DGKI: variants seen among roughly 807,000 people sequenced by gnomAD.
The protein encoded by DGKI is diacylglycerol kinase iota.
DGKI carries 55 observed loss-of-function variants against 147.5 expected under a neutral mutation model. That is an observed-to-expected ratio of 0.37 (90% CI 0.30 to 0.47). DGKI has a LOEUF of 0.47. DGKI is among the 20% of genes least tolerant of loss of function. DGKI has a pLI of 1.00. For synonymous variants in DGKI, 469 were observed against 477.1 expected, an observed-to-expected ratio of 0.98 and a Z score of 0.22; for missense variants, 1,007 against 1,323.8, an observed-to-expected ratio of 0.76 and a Z score of 3.71.
At position 137,702,186 on chromosome 7, in the gene DGKI, T is replaced by G. The variant is rs1824007210; in HGVS notation, c.402-12184A>C. Among the ~76,000 whole-genome samples the G allele has an allele frequency of 1.3e-5, 2 of 152,148 alleles. 1 individual carries two copies. Among genetic ancestry groups the G allele is most frequent in the South Asian group, 4.1e-4 (2 of 4,832 alleles). On this transcript the variant is annotated intron_variant, in intron 1 of 32. Transcript: ENST00000614521. ...GATAGAAACCTAAAAGTTAAAACTA[T>G]AAAGCTTCTAAAAGAAAGCATTTTA... is the stretch of plus-strand genomic sequence containing the variant.
At chr7:137,639,171 A>G (rs1056096467) in intron 6 of DGKI, among the ~76,000 whole-genome samples, 3 of 152,204 alleles carry the variant, frequency 2.0e-5, no homozygotes, top group African/African-American at 4.8e-5. Flanking sequence ...TTATACTTCA[A>G]TCAAATTCAG....
rs567522587 is a variant in DGKI at position 137,532,478 on chromosome 7, A to G, written c.2148-10512T>C. On this transcript the variant is annotated intron_variant, in intron 20 of 32. Transcript: ENST00000614521. ...GAATTGTTTGTTTTTCTTCATTAGT[A>G]GGTAATTAATATTTTACCTGGACAG... is the stretch of plus-strand genomic sequence containing the variant. Among the ~76,000 whole-genome samples, 4 of 152,308 alleles carry G rather than the reference A, an allele frequency of 2.6e-5. No homozygotes were observed. The East Asian group carries it at 7.7e-4, about 29-fold the overall frequency.
intron 1 of DGKI, among the ~76,000 whole-genome samples, chr7:137,748,347 G>T (rs1292619491): frequency 6.7e-6 from 1 of 149,338 alleles, no homozygotes; most frequent in Non-Finnish European, 1.5e-5. Context: ...ATCTATTGTG[G>T]TTAAAGAAAA....
intron 30 of DGKI, among the ~76,000 whole-genome samples, chr7:137,403,003 A>G (rs1349705760): frequency 6.6e-6 from 1 of 152,188 alleles, no homozygotes; most frequent in Non-Finnish European, 1.5e-5. Flanking sequence ...GAGAATAAAA[A>G]CAAAAGAGCA....
chr7:137,714,020 T>G (rs28419330), intron 1 of DGKI, among the ~76,000 whole-genome samples: 7,768 of 152,286 alleles, frequency 0.051, 627 homozygotes, highest in African/African-American at 0.17. Flanking sequence ...TCTCAGACAT[T>G]ATTGACCCAT....
chr7:137,530,890 G>C (rs1367666865), intron 20 of DGKI, among the ~76,000 whole-genome samples: 2 of 151,974 alleles, frequency 1.3e-5, no homozygotes, highest in Non-Finnish European at 2.9e-5. Flanking sequence ...GCTTGCCCCT[G>C]CTTAATACAA....
chr7:137,773,569 T>C (rs1248232624), intron 1 of DGKI, among the ~76,000 whole-genome samples: 1 of 152,148 alleles, frequency 6.6e-6, no homozygotes, highest in Non-Finnish European at 1.5e-5. Context: ...AGGCAGCTAT[T>C]GGTAAAGAAA....
intron 30 of DGKI, among the ~76,000 whole-genome samples, chr7:137,405,134 T>C (rs1292281230): frequency 6.6e-6 from 1 of 152,190 alleles, no homozygotes; most frequent in Non-Finnish European, 1.5e-5. Flanking sequence ...GGACTCATCA[T>C]TCATGTCCCT....
At chr7:137,749,911 G>A (rs569707347) in intron 1 of DGKI, among the ~76,000 whole-genome samples, 1 of 152,288 alleles carries the variant, frequency 6.6e-6, no homozygotes, top group Non-Finnish European at 1.5e-5. Flanking sequence ...ATAAGCCTAT[G>A]GGTGGGATCC....
chr7:137,745,771 A>T (rs1795306495), intron 1 of DGKI, among the ~76,000 whole-genome samples: 1 of 152,160 alleles, frequency 6.6e-6, no homozygotes. Context: ...TTCTCAGCTT[A>T]AAAAGGATAG....
chr7:137,548,648 C>T (rs192997879), intron 20 of DGKI, among the ~76,000 whole-genome samples: 2 of 152,154 alleles, frequency 1.3e-5, no homozygotes, highest in African/African-American at 4.8e-5. Context: ...GAACTGTGAG[C>T]CAAATAAAAC....
At chr7:137,456,920 A>G (rs1350196162) in intron 27 of DGKI, among the ~76,000 whole-genome samples, 1 of 152,206 alleles carries the variant, frequency 6.6e-6, no homozygotes, top group Non-Finnish European at 1.5e-5. Context: ...TAGGGCCTCC[A>G]TATGCATAAC....
chr7:137,662,716 A>C (rs1244986798), intron 3 of DGKI, among the ~76,000 whole-genome samples: 1 of 152,092 alleles, frequency 6.6e-6, no homozygotes, highest in East Asian at 1.9e-4. Context: ...CTCCATGTTA[A>C]AAGGTCCCAG....
At chr7:137,614,732 C>T (rs868189202) in intron 8 of DGKI, among the ~76,000 whole-genome samples, 1 of 152,120 alleles carries the variant, frequency 6.6e-6, no homozygotes, top group South Asian at 2.1e-4. Flanking sequence ...CTGCCAATTC[C>T]ACAGTTGCTC....
intron 15 of DGKI, among the ~76,000 whole-genome samples, chr7:137,580,155 C>T (rs1316265100): frequency 6.6e-6 from 1 of 151,982 alleles, no homozygotes; most frequent in Non-Finnish European, 1.5e-5. Context: ...CTTTTCATGC[C>T]TATTTTTGGA....
intron 1 of DGKI, among the ~76,000 whole-genome samples, chr7:137,749,208 C>T (rs190193347): frequency 6.6e-6 from 1 of 152,330 alleles, no homozygotes; most frequent in African/African-American, 2.4e-5. Context: ...CTCCACCTTT[C>T]CATGCTCAAA....
chr7:137,759,491 G>A (rs1795789814), intron 1 of DGKI, among the ~76,000 whole-genome samples: 2 of 152,030 alleles, frequency 1.3e-5, no homozygotes, highest in South Asian at 4.2e-4. Context: ...ACAGGCGCCT[G>A]CCACCACGCC....
chr7:137,573,453 G>A (rs553915755), intron 17 of DGKI, among the ~76,000 whole-genome samples: 8 of 152,274 alleles, frequency 5.3e-5, no homozygotes, highest in East Asian at 1.9e-4. Flanking sequence ...CACCCAGGCC[G>A]AAGTGCAATG....
chr7:137,542,623 A>C (rs560442592), intron 20 of DGKI, among the ~76,000 whole-genome samples: 1 of 152,280 alleles, frequency 6.6e-6, no homozygotes, highest in Non-Finnish European at 1.5e-5. Context: ...CTACAGTGGA[A>C]TACATCATGA....
Sources: gnomAD v4.1 joint callset for allele counts (sites outside exome capture counted in the v4.1 genomes callset) on GRCh38, gnomAD v4.1.1 for gene constraint, MANE v1.5 for transcripts, NCBI Gene and HGNC (gene_info 2026-07-23, HGNC 2026-07-21) for gene names.